FCRLB: variants seen among roughly 807,000 people sequenced by gnomAD.
The protein encoded by FCRLB is Fc receptor like B, also known as Fc receptor-like B.
Under a neutral mutation model 33.6 loss-of-function variants are expected in FCRLB, and 34 were observed. That is an observed-to-expected ratio of 1.01 (90% CI 0.77 to 1.35). FCRLB has a LOEUF of 1.35. FCRLB is among the 40% of genes most tolerant of loss of function. FCRLB has a pLI of 0.00. For missense variants in FCRLB, 560 were observed against 580.2 expected, an observed-to-expected ratio of 0.97 and a Z score of 0.36; for synonymous variants, 280 against 255.9, an observed-to-expected ratio of 1.09 and a Z score of -0.90.
chr1:161,722,632 T>C (rs1306644418), intron 2 of FCRLB, 21 bp from the exon 3 acceptor site: 38 of 1,612,762 alleles, frequency 2.4e-5, no homozygotes, highest in Non-Finnish European at 3.0e-5. Flanking sequence ...CTCATGCCAG[T>C]GCATCTCCAT....
chr1:161,723,285 C>A (rs1571078794), intron 4 of FCRLB, 82 bp from the exon 5 acceptor site: 2 of 1,543,594 alleles, frequency 1.3e-6, no homozygotes, highest in East Asian at 4.5e-5. Context: ...CCTAAGATTT[C>A]CCAAACTCAG....
intron 5 of FCRLB, among the ~76,000 whole-genome samples, chr1:161,725,074 A>G (rs985082653): frequency 1.3e-5 from 2 of 152,182 alleles, no homozygotes; most frequent in African/African-American, 2.4e-5. Flanking sequence ...GAAGATGAGG[A>G]AAGTAGAGAG....
chr1:161,723,755 C>A, intron 5 of FCRLB, 134 bp downstream of exon 5: 1 of 1,359,056 alleles, frequency 7.4e-7, no homozygotes, highest in Non-Finnish European at 9.9e-7. Context: ...TCTTAAGTCT[C>A]TGGAGCAGGT....
chr1:161,727,285 C>T (rs762565797), exon 8 of FCRLB: 31 of 1,612,790 alleles, frequency 1.9e-5, no homozygotes, highest in Non-Finnish European at 2.0e-5. Flanking sequence ...CGCCCCAGCT[C>T]CATGGGCCGC....
rs1242018628 is a variant in FCRLB at position 161,726,589 on chromosome 1, C to T, written c.575-114C>T. On this transcript the variant is annotated intron_variant, in intron 6 of 7. Coordinates refer to ENST00000367948, the Ensembl canonical transcript of FCRLB. The surrounding 1 kb of genome is among the most constrained non-coding windows in gnomAD (Gnocchi z 5.2). ...CCCCTCCACGTGGACACACGGCCTC[C>T]TCCCCTCCCCCCTTGGTCTGTGGGT... 5 of 1,429,352 alleles carry T rather than the reference C, an allele frequency of 3.5e-6. No individual in the cohort carries two copies. The highest frequency in any genetic ancestry group is 4.8e-6 in the Non-Finnish European group (5 of 1,050,202). 88.5% of individuals were successfully genotyped at this position (1,429,352 alleles called of 1,614,324 possible).
At position 161,726,599 on chromosome 1, in the gene FCRLB, C is replaced by G. The variant is rs375372824; in HGVS notation, c.575-104C>G. ...TGGACACACGGCCTCCTCCCCTCCC[C>G]CCTTGGTCTGTGGGTCTGCAAGGAG... is the stretch of plus-strand genomic sequence containing the variant. On this transcript the variant is annotated intron_variant, in intron 6 of 7. Coordinates refer to ENST00000367948, the Ensembl canonical transcript of FCRLB. This position sits in a 1 kb window ranked among gnomAD's most constrained non-coding sequence, Gnocchi z 5.2. 6 of 1,472,488 alleles carry G rather than the reference C, an allele frequency of 4.1e-6. No individual in the cohort carries two copies. Among genetic ancestry groups the G allele is most frequent in the South Asian group, 3.7e-5 (3 of 82,054 alleles). 91.2% of individuals were successfully genotyped at this position (1,472,488 alleles called of 1,614,324 possible).
At position 161,726,020 on chromosome 1, in the gene FCRLB, G is replaced by A. The variant is rs765902697; in HGVS notation, c.507G>A (p.Ser169=). Residue 169 remains serine, a synonymous_variant, in exon 6 of 8, where the codon TCG becomes TCA. Coordinates refer to ENST00000367948, the Ensembl canonical transcript of FCRLB. This position sits in a 1 kb window ranked among gnomAD's most constrained non-coding sequence, Gnocchi z 5.2. Reference sequence around the variant, plus strand: ...GCGACAGCGGGCGCTACCAGTGCTCGGGCACCATGCGCATCCCGGTGGAGA... The same window carrying A: ...GCGACAGCGGGCGCTACCAGTGCTCAGGCACCATGCGCATCCCGGTGGAGA... 4.3e-6 allele frequency: 7 copies of A among 1,613,980 alleles called. No homozygotes were observed. Among genetic ancestry groups the A allele is most frequent in the African/African-American group, 2.7e-5 (2 of 75,076 alleles).
rs751604139 is a variant in FCRLB, at chr1:161,727,372, G to T, written c.991G>T (p.Val331Phe). The stretch of plus-strand genomic sequence containing the variant: ...CAGATCGGTCCCGTTGGTCACCTCC[G>T]TCCGGAACACCACCTCCACCGGGCT... The change falls in exon 8 of 8, where the codon GTC becomes TTC. Residue 331 changes from valine to phenylalanine, a missense_variant. By Grantham distance (50) the Val-to-Phe change is conservative. Transcript: ENST00000367948. 4 of 1,613,616 alleles carry T rather than the reference G, an allele frequency of 2.5e-6. No homozygotes were observed. In the South Asian group the frequency reaches 4.4e-5, roughly 18 times the overall value.
Position 161,726,140 on chromosome 1 carries a change from T to C in FCRLB, c.574+53T>C, listed in dbSNP as rs759793624. ...GAGGCAAATGAGCATTGAGAAATTC[T>C]GGGACAGGAGCTCGGCGAGAAAAGA... On this transcript the variant is annotated intron_variant, in intron 6 of 7. Transcript: ENST00000367948. This position sits in a 1 kb window ranked among gnomAD's most constrained non-coding sequence, Gnocchi z 5.2. The C allele has an allele frequency of 4.3e-6, 7 of 1,610,234 alleles. No homozygotes were observed. In the African/African-American group the frequency reaches 5.3e-5, roughly 12 times the overall value.
At chr1:161,727,261 C>A (rs780908167) in exon 8 of FCRLB, 1 of 1,607,100 alleles carries the variant, frequency 6.2e-7, no homozygotes, top group Admixed American at 1.7e-5. Context: ...TCCCCTGGAC[C>A]CGGCCTCCAC....
intron 5 of FCRLB, among the ~76,000 whole-genome samples, chr1:161,725,511 G>A (rs533336968): frequency 6.6e-6 from 1 of 152,200 alleles, no homozygotes; most frequent in South Asian, 2.1e-4. Flanking sequence ...GTGTGATGGC[G>A]CCCACCGGTA....
chr1:161,723,748 T>C, intron 5 of FCRLB, 127 bp downstream of exon 5: 5 of 1,394,080 alleles, frequency 3.6e-6, no homozygotes, highest in Non-Finnish European at 4.8e-6. Flanking sequence ...GGGCCTATCT[T>C]AAGTCTCTGG....
At chr1:161,724,142 C>A in intron 5 of FCRLB, among the ~76,000 whole-genome samples, 1 of 151,912 alleles carries the variant, frequency 6.6e-6, no homozygotes. Context: ...TTATGATTTG[C>A]TAAAGAAAAA....
chr1:161,726,976 TGCA>T lies in FCRLB; in HGVS notation c.851_853del (p.Gln284del), dbSNP rs1683600720. 2 of 1,528,770 alleles carry T rather than the reference TGCA, an allele frequency of 1.3e-6. No homozygotes were observed. The highest frequency in any genetic ancestry group is 1.8e-6 in the Non-Finnish European group (2 of 1,137,596). The allele number at this position is 1,528,770 out of a possible 1,614,324, so 94.7% of individuals were successfully genotyped here. A position where few individuals can be genotyped will look rare whatever the true frequency, so the allele number is the denominator to read the frequency against. On this transcript the variant is annotated inframe_deletion, in exon 7 of 8. Coordinates refer to ENST00000367948, the Ensembl canonical transcript of FCRLB. The surrounding 1 kb of genome is among the most constrained non-coding windows in gnomAD (Gnocchi z 5.2). ...AGTGTCCGGAAACGCAGTCCGTGGC[TGCA>T]GCTCCCGGGGCCGGGTGAGTGCCTG...
chr1:161,726,743 G>T lies in FCRLB; in HGVS notation c.615G>T (p.Arg205=). The T allele has an allele frequency of 6.3e-7, 1 of 1,593,406 alleles. No homozygotes were observed. ...CGGTGCTGAGGGTGATGGGTCCGCGGGAGGCCCGCGGCGCGGCGCTGGGTG... is the reference window on the plus strand; with the variant it reads ...CGGTGCTGAGGGTGATGGGTCCGCGTGAGGCCCGCGGCGCGGCGCTGGGTG... Residue 205 remains arginine, a synonymous_variant, in exon 7 of 8, where the codon CGG becomes CGT. Coordinates refer to ENST00000367948, the Ensembl canonical transcript of FCRLB. The surrounding 1 kb of genome is among the most constrained non-coding windows in gnomAD (Gnocchi z 5.2).
intron 5 of FCRLB, among the ~76,000 whole-genome samples, chr1:161,724,072 T>G (rs1031057965): frequency 5.3e-5 from 8 of 152,160 alleles, no homozygotes; most frequent in Admixed American, 3.9e-4. Context: ...TGTCCACATC[T>G]GTAAAGAAGG....
At chr1:161,723,282 T>C in intron 4 of FCRLB, 85 bp from the exon 5 acceptor site, 1 of 1,535,504 alleles carries the variant, frequency 6.5e-7, no homozygotes. Context: ...TTTCCTAAGA[T>C]TTCCCAAACT....
At chr1:161,722,333 T>C (rs1025818837) in intron 2 of FCRLB, among the ~76,000 whole-genome samples, 2 of 152,194 alleles carry the variant, frequency 1.3e-5, no homozygotes, top group African/African-American at 4.8e-5. Context: ...AGCCTGAAGA[T>C]GGCGGGGTCA....
chr1:161,726,233 C>A lies in FCRLB; in HGVS notation c.574+146C>A. The A allele has an allele frequency of 7.3e-7, 1 of 1,368,834 alleles. No homozygotes were observed. Among genetic ancestry groups the A allele is most frequent in the Non-Finnish European group, 1.0e-6 (1 of 986,552 alleles). 84.8% of individuals were successfully genotyped at this position (1,368,834 alleles called of 1,614,324 possible). ...TAGACTATGGACGCTGTCTCCTCTC[C>A]TTTGCCGTGAAGCAGCGCTTGATCC... On this transcript the variant is annotated intron_variant, in intron 6 of 7. Transcript: ENST00000367948. This position sits in a 1 kb window ranked among gnomAD's most constrained non-coding sequence, Gnocchi z 5.2.
Sources: gnomAD v4.1 joint callset for allele counts (sites outside exome capture counted in the v4.1 genomes callset) on GRCh38, gnomAD v4.1.1 for gene constraint, Gnocchi (gnomAD v3.1) non-coding constraint, MANE v1.5 for transcripts, NCBI Gene and HGNC (gene_info 2026-07-23, HGNC 2026-07-21) for gene names.